Variants in ACBD6 observed in about 807,000 individuals in gnomAD.
The protein encoded by ACBD6 is acyl-CoA-binding domain-containing protein 6.
Under a neutral mutation model 37.2 loss-of-function variants are expected in ACBD6, and 28 were observed. The observed-to-expected ratio is 0.75, with a 90% CI of 0.56 to 1.03. The LOEUF is 1.03. ACBD6 is among the 50% of genes least tolerant of loss of function. ACBD6 has a pLI of 0.00. For synonymous variants in ACBD6, 113 were observed against 126.8 expected (o/e 0.89, Z 0.73); for missense variants, 340 against 337.4 (o/e 1.01, Z -0.06).
chr1:180,490,478 A>C (rs1651449131), intron 3 of ACBD6, among the ~76,000 whole-genome samples: 1 of 151,028 alleles, frequency 6.6e-6, no homozygotes, highest in African/African-American at 2.4e-5. Flanking sequence ...CCCTATCTCT[A>C]CAAAAAAAAA....
chr1:180,350,088 C>T (rs758253717), intron 6 of ACBD6, among the ~76,000 whole-genome samples: 32 of 142,674 alleles, frequency 2.2e-4, no homozygotes, highest in African/African-American at 1.9e-4. Flanking sequence ...TACAGTGGTG[C>T]GATCATAGCT....
At position 180,310,575 on chromosome 1, in the gene ACBD6, G is replaced by A. The variant is rs10494526; in HGVS notation, c.694+4117C>T. Among the ~76,000 whole-genome samples, 3,813 of 152,250 alleles carry A rather than the reference G, an allele frequency of 0.025. 364 individuals are homozygous for A. In the East Asian group the frequency reaches 0.3, roughly 12 times the overall value. ...CAAGCATGGCATGCAGAGGAATAGA[G>A]AGGCTAATAAAACAAGTTGTTGACT... On this transcript the variant is annotated intron_variant, in intron 7 of 7. Transcript: ENST00000367595.
At chr1:180,389,690 C>T (rs1156407517) in intron 6 of ACBD6, among the ~76,000 whole-genome samples, 5 of 152,174 alleles carry the variant, frequency 3.3e-5, no homozygotes, top group African/African-American at 1.2e-4. Flanking sequence ...TAATGATCGC[C>T]ATTCTAACTG....
At chr1:180,494,781 G>A (rs549692776) in intron 2 of ACBD6, among the ~76,000 whole-genome samples, 1 of 152,248 alleles carries the variant, frequency 6.6e-6, no homozygotes, top group South Asian at 2.1e-4. Flanking sequence ...ATTCCCAGTT[G>A]TATGCAATTT....
At chr1:180,399,641 C>T (rs1647264736) in intron 5 of ACBD6, among the ~76,000 whole-genome samples, 1 of 152,134 alleles carries the variant, frequency 6.6e-6, no homozygotes, top group African/African-American at 2.4e-5. Context: ...GAGCAGTTTC[C>T]TATGTTAAAA....
chr1:180,367,889 A>G (rs1345358049), intron 6 of ACBD6, among the ~76,000 whole-genome samples: 1 of 151,892 alleles, frequency 6.6e-6, no homozygotes, highest in Non-Finnish European at 1.5e-5. Context: ...TGATTTATGT[A>G]CCTCTTGGTA....
rs1652945315 is a variant in ACBD6, at chr1:180,363,998, C to A, written c.663+33518G>T. ...GAACACACTGACAAATGCCATGATA[C>A]CAACAAGAATACAAGATGTGTCTAA... is the stretch of plus-strand genomic sequence containing the variant. On this transcript the variant is annotated intron_variant, in intron 6 of 7. Coordinates refer to ENST00000367595, the MANE Select transcript of ACBD6 (RefSeq NM_032360.4). Among the ~76,000 whole-genome samples the A allele has an allele frequency of 2.0e-5, 3 of 152,218 alleles. No homozygotes were observed. The East Asian group carries it at 5.8e-4, about 29-fold the overall frequency.
chr1:180,374,923 G>A (rs995405205), intron 6 of ACBD6, among the ~76,000 whole-genome samples: 2 of 151,940 alleles, frequency 1.3e-5, no homozygotes, highest in African/African-American at 4.8e-5. Context: ...AAACCTATAT[G>A]AGAAAAAAAT....
At chr1:180,450,028 T>C (rs560331565) in intron 3 of ACBD6, among the ~76,000 whole-genome samples, 1 of 140,618 alleles carries the variant, frequency 7.1e-6, no homozygotes, top group East Asian at 2.1e-4. Context: ...AAATCTTCAA[T>C]GTGGGAATAA....
At chr1:180,342,155 T>G (rs555363256) in intron 6 of ACBD6, among the ~76,000 whole-genome samples, 1 of 152,098 alleles carries the variant, frequency 6.6e-6, no homozygotes, top group Admixed American at 6.6e-5. Context: ...AGCAAGGACA[T>G]GAACATAAGA....
At chr1:180,437,955 C>A (rs959990838) in intron 3 of ACBD6, among the ~76,000 whole-genome samples, 1 of 152,098 alleles carries the variant, frequency 6.6e-6, no homozygotes, top group Non-Finnish European at 1.5e-5. Context: ...AGTAGGGGTC[C>A]CCAACCCCTG....
intron 6 of ACBD6, among the ~76,000 whole-genome samples, chr1:180,354,295 C>T (rs898566065): frequency 6.6e-6 from 1 of 152,130 alleles, no homozygotes; most frequent in Non-Finnish European, 1.5e-5. Context: ...GAGATTTAAC[C>T]CTCTATTTAC....
At chr1:180,297,244 A>G (rs1311307259) in intron 7 of ACBD6, among the ~76,000 whole-genome samples, 1 of 152,170 alleles carries the variant, frequency 6.6e-6, no homozygotes, top group Non-Finnish European at 1.5e-5. Context: ...CAGAGCCGAC[A>G]GCCAAAACCA....
intron 6 of ACBD6, among the ~76,000 whole-genome samples, chr1:180,395,737 A>G (rs770315698): frequency 7.2e-5 from 11 of 152,192 alleles, no homozygotes; most frequent in Admixed American, 5.2e-4. Flanking sequence ...GTGGGAAACA[A>G]TATGGCAATT....
At chr1:180,493,794 A>G (rs1351073339) in intron 2 of ACBD6, among the ~76,000 whole-genome samples, 1 of 152,210 alleles carries the variant, frequency 6.6e-6, no homozygotes, top group South Asian at 2.1e-4. Flanking sequence ...AGTTTCATGT[A>G]TCTTCAGCTT....
At chr1:180,404,831 TACC>T (rs1014586463) in intron 5 of ACBD6, among the ~76,000 whole-genome samples, 1 of 152,208 alleles carries the variant, frequency 6.6e-6, no homozygotes, top group African/African-American at 2.4e-5. Flanking sequence ...ATGTATATTT[TACC>T]ACAATTAAAA....
chr1:180,353,959 T>C (rs1652521754), intron 6 of ACBD6, among the ~76,000 whole-genome samples: 1 of 152,242 alleles, frequency 6.6e-6, no homozygotes, highest in Non-Finnish European at 1.5e-5. Context: ...TTCTATTGCA[T>C]TCCTGTTGTC....
At chr1:180,300,614 A>AT (rs1234148462) in intron 7 of ACBD6, among the ~76,000 whole-genome samples, 1 of 152,168 alleles carries the variant, frequency 6.6e-6, no homozygotes, top group African/African-American at 2.4e-5. Context: ...GTATTTGATT[A>AT]TCTTGATTTT....
chr1:180,501,939 C>T, intron 1 of ACBD6, 106 bp downstream of exon 1: 1 of 1,054,718 alleles, frequency 9.5e-7, no homozygotes, highest in Non-Finnish European at 1.4e-6. Flanking sequence ...TACACATACA[C>T]AAGCTTCATT....
Sources: gnomAD v4.1 joint callset for allele counts (sites outside exome capture counted in the v4.1 genomes callset) on GRCh38, gnomAD v4.1.1 for gene constraint, MANE v1.5 for transcripts, NCBI Gene and HGNC (gene_info 2026-07-23, HGNC 2026-07-21) for gene names.